Variants in DOCK9 observed in about 807,000 individuals in gnomAD.
The protein encoded by DOCK9 is dedicator of cytokinesis 9, also known as dedicator of cytokinesis protein 9.
A neutral mutation model predicts 263.3 loss-of-function variants in DOCK9; 89 were observed. The ratio of observed to expected loss-of-function variants is 0.34; its 90% CI spans 0.28 to 0.40. DOCK9 has a LOEUF of 0.40. DOCK9 is among the 10% of genes least tolerant of loss of function. The pLI is 1.00. For missense variants in DOCK9, 2,140 were observed against 2,603.4 expected, an observed-to-expected ratio of 0.82 and a Z score of 3.87; for synonymous variants, 976 against 973.1, an observed-to-expected ratio of 1.00 and a Z score of -0.06.
In DOCK9 at chr13:99,084,329, C is replaced by T. The variant is rs1465878339; in HGVS notation, c.129+1894G>A. ...ATGCATTTCCTATTTCCCATTCAGC[C>T]AGGGGCCCTCACATGCCAGAGCAGG... On this transcript the variant is annotated intron_variant, in intron 1 of 32. Transcript: ENST00000427887. 1.3e-5 allele frequency among the ~76,000 whole-genome samples: 2 copies of T among 152,194 alleles called. 1 individual carries two copies. Among genetic ancestry groups the T allele is most frequent in the Admixed American group, 1.3e-4 (2 of 15,280 alleles).
intron 38 of DOCK9, among the ~76,000 whole-genome samples, chr13:98,844,649 G>A (rs954831115): frequency 6.6e-6 from 1 of 152,118 alleles, no homozygotes; most frequent in African/African-American, 2.4e-5. Context: ...CAAAGTGTTG[G>A]GATTACAGGC....
intron 18 of DOCK9, among the ~76,000 whole-genome samples, chr13:98,887,791 T>C (rs1016999407): frequency 3.9e-5 from 6 of 152,186 alleles, no homozygotes; most frequent in African/African-American, 1.2e-4. Flanking sequence ...AAACATTTAA[T>C]AAAATTATCA....
chr13:98,831,248 T>C, intron 41 of DOCK9, 100 bp downstream of exon 41: 3 of 1,326,422 alleles, frequency 2.3e-6, no homozygotes, highest in Non-Finnish European at 3.1e-6. Flanking sequence ...TTGCAGTATC[T>C]TTATGACAAG....
chr13:98,832,060 G>T, intron 39 of DOCK9: 1 of 361,052 alleles, frequency 2.8e-6, no homozygotes, highest in South Asian at 6.9e-5. Context: ...TTATTAATAT[G>T]TACTCATTTT....
At chr13:98,998,506 A>G (rs1254245891) in intron 1 of DOCK9, among the ~76,000 whole-genome samples, 3 of 152,174 alleles carry the variant, frequency 2.0e-5, no homozygotes, top group East Asian at 3.9e-4. Context: ...GTCTCACACC[A>G]AGCTTCCAAA....
At chr13:99,068,889 C>A (rs1049287593) in intron 1 of DOCK9, among the ~76,000 whole-genome samples, 1 of 152,160 alleles carries the variant, frequency 6.6e-6, no homozygotes, top group Non-Finnish European at 1.5e-5. Flanking sequence ...AATATTATGG[C>A]ACCTCTGCTA....
intron 7 of DOCK9, among the ~76,000 whole-genome samples, chr13:98,919,723 G>A (rs1253114409): frequency 3.3e-5 from 5 of 152,224 alleles, no homozygotes. Flanking sequence ...GATTGCTTGG[G>A]CAGCTTCTGA....
chr13:98,867,382 G>T, intron 30 of DOCK9, 43 bp downstream of exon 30: 1 of 1,047,908 alleles, frequency 9.5e-7, no homozygotes, highest in Non-Finnish European at 1.4e-6. Context: ...GAAAATAAAT[G>T]TCTCTGTTTG....
chr13:98,860,734 TG>T (rs1328049941), intron 32 of DOCK9, among the ~76,000 whole-genome samples: 4 of 40,972 alleles, frequency 9.8e-5, no homozygotes, highest in African/African-American at 4.0e-4. Context: ...GGATGCTGGG[TG>T]GGGGTGGGGG....
chr13:98,890,191 C>G (rs551738787), intron 15 of DOCK9, among the ~76,000 whole-genome samples: 2 of 152,132 alleles, frequency 1.3e-5, no homozygotes, highest in Non-Finnish European at 2.9e-5. Flanking sequence ...ATTTAATCAG[C>G]ATGTTATAGT....
chr13:98,829,716 C>G lies in DOCK9; in HGVS notation c.4676G>C (p.Gly1559Ala). The change falls in exon 42 of 53, where the codon GGC becomes GCC. Residue 1559 changes from glycine to alanine, a missense_variant. Transcript: ENST00000682017. The surrounding 1 kb of genome is among the most constrained non-coding windows in gnomAD (Gnocchi z 4.1). ...CTGCTGGAATCTGGTTCCCCCAATG[C>G]CAACAACGTCTGCTATCAGCTGGCT... ...SVSQLIADVV[G>A]IGGTRFQQSL... 1 of 1,610,354 alleles carries G rather than the reference C, an allele frequency of 6.2e-7. No individual in the cohort carries two copies. The highest frequency in any genetic ancestry group is 8.5e-7 in the Non-Finnish European group (1 of 1,178,382).
chr13:98,975,660 G>A (rs1205408646), intron 1 of DOCK9, among the ~76,000 whole-genome samples: 2 of 152,028 alleles, frequency 1.3e-5, no homozygotes, highest in Admixed American at 6.6e-5. Context: ...TATACTACAC[G>A]CATTAATTAA....
intron 1 of DOCK9, among the ~76,000 whole-genome samples, chr13:98,976,584 G>A (rs1019862540): frequency 1.6e-4 from 25 of 152,204 alleles, no homozygotes; most frequent in South Asian, 4.1e-4. Flanking sequence ...TACAGCCTGT[G>A]AGCAACCCAA....
At chr13:98,965,275 C>A (rs1018162189) in intron 1 of DOCK9, among the ~76,000 whole-genome samples, 12 of 152,152 alleles carry the variant, frequency 7.9e-5, no homozygotes, top group Admixed American at 7.2e-4. Context: ...GTCCCTAACT[C>A]AGGACATTAC....
upstream of DOCK9, among the ~76,000 whole-genome samples, chr13:98,980,132 T>G (rs866226003): frequency 1.3e-5 from 2 of 152,346 alleles, no homozygotes; most frequent in Non-Finnish European, 1.5e-5. Flanking sequence ...TCAAGGATCT[T>G]CCTGCCTAAG....
chr13:98,885,339 C>T (rs532369841), intron 20 of DOCK9: 49 of 559,570 alleles, frequency 8.8e-5, no homozygotes, highest in African/African-American at 8.5e-4. Flanking sequence ...CATGGTGGCT[C>T]ACACCTGTAA....
intron 3 of DOCK9, among the ~76,000 whole-genome samples, chr13:98,927,248 T>C (rs1434548966): frequency 6.6e-6 from 1 of 152,272 alleles, no homozygotes; most frequent in Non-Finnish European, 1.5e-5. Flanking sequence ...ATGATTTTTT[T>C]AGATTTCTCA....
At chr13:98,846,124 G>A in intron 37 of DOCK9, 64 bp from the exon 38 acceptor site, 2 of 1,525,612 alleles carry the variant, frequency 1.3e-6, no homozygotes, top group East Asian at 2.5e-5. Flanking sequence ...GCGAGACGGG[G>A]AGTGTTAGTG....
At chr13:98,981,326 G>A (rs940135925), upstream of DOCK9, among the ~76,000 whole-genome samples, 1 of 152,034 alleles carries the variant, frequency 6.6e-6, no homozygotes, top group African/African-American at 2.4e-5. Context: ...CAAAGTGTGG[G>A]GATTATAGAT....
Sources: gnomAD v4.1 joint callset for allele counts (sites outside exome capture counted in the v4.1 genomes callset) on GRCh38, gnomAD v4.1.1 for gene constraint, Gnocchi (gnomAD v3.1) non-coding constraint, MANE v1.5 for transcripts, NCBI Gene and HGNC (gene_info 2026-07-23, HGNC 2026-07-21) for gene names.